The following ABCA13 variants were observed in gnomAD, a reference collection of about 807,000 sequenced individuals.
ABCA13 encodes the protein ATP binding cassette subfamily A member 13.
In ABCA13, 476 loss-of-function variants were observed where a neutral mutation model predicts 478.7. The ratio of observed to expected loss-of-function variants is 0.99; its 90% CI spans 0.92 to 1.07. The LOEUF (loss-of-function observed/expected upper bound fraction) is 1.07, where lower values mean the gene tolerates loss of function less well. Ranked by LOEUF, ABCA13 falls within the 50% of genes least tolerant of loss-of-function variation. The probability of loss-of-function intolerance (pLI) is 0.00; values close to 1 mark genes in which losing one functional copy is unlikely to be tolerated. For missense variants in ABCA13, 6,060 were observed against 5,910.6 expected (o/e 1.03, Z -0.83); for synonymous variants, 2,252 against 2,158.9 (o/e 1.04, Z -1.20).
chr7:48,198,783 T>G (rs1798283012), intron 3 of ABCA13, among the ~76,000 whole-genome samples: 1 of 152,204 alleles, frequency 6.6e-6, no homozygotes. Context: ...TGAGGGAAAA[T>G]AAAACTGGGC....
chr7:48,412,324 G>T (rs752200005), intron 40 of ABCA13, 29 bp from the exon 41 acceptor site: 6 of 1,551,926 alleles, frequency 3.9e-6, no homozygotes, highest in South Asian at 1.2e-5. Flanking sequence ...TTCCTTACTG[G>T]CTTCTTTTTT....
At chr7:48,394,463 C>G (rs866984250) in intron 38 of ABCA13, among the ~76,000 whole-genome samples, 1 of 152,286 alleles carries the variant, frequency 6.6e-6, no homozygotes, top group South Asian at 2.1e-4. Context: ...AGCAGACTTC[C>G]TGAGCATTCT....
chr7:48,555,034 T>TA (rs1785670813), intron 55 of ABCA13, among the ~76,000 whole-genome samples: 1 of 151,752 alleles, frequency 6.6e-6, no homozygotes, highest in South Asian at 2.1e-4. Context: ...TGAGGGTTTT[T>TA]AATCATAAAG....
chr7:48,531,212 G>C (rs1289179713), intron 55 of ABCA13, among the ~76,000 whole-genome samples: 2 of 152,264 alleles, frequency 1.3e-5, no homozygotes, highest in East Asian at 3.9e-4. Flanking sequence ...CATGTGGCTT[G>C]CTAATTATCC....
At chr7:48,645,334 C>G in intron 61 of ABCA13, 83 bp from the exon 62 acceptor site, 1 of 1,118,926 alleles carries the variant, frequency 8.9e-7, no homozygotes, top group Non-Finnish European at 1.3e-6. Context: ...GGCCAGTGTT[C>G]TGAGACAATG....
At chr7:48,573,532 C>T (rs536286267) in intron 55 of ABCA13, among the ~76,000 whole-genome samples, 1 of 151,800 alleles carries the variant, frequency 6.6e-6, no homozygotes, top group African/African-American at 2.4e-5. Context: ...TCCATCTCCA[C>T]AAAACAGAAA....
At chr7:48,617,636 C>A (rs1449844894) in intron 59 of ABCA13, among the ~76,000 whole-genome samples, 1 of 152,152 alleles carries the variant, frequency 6.6e-6, no homozygotes. Context: ...CAACAAGAGC[C>A]TGCAATGAGA....
intron 59 of ABCA13, among the ~76,000 whole-genome samples, chr7:48,638,663 G>T (rs1794877747): frequency 6.6e-6 from 1 of 152,168 alleles, no homozygotes; most frequent in Non-Finnish European, 1.5e-5. Context: ...AAAGGTGCTT[G>T]CAGTGAAGGG....
rs544798464 is a variant in ABCA13, at chr7:48,497,862, C to T, written c.13292-8474C>T. Among the ~76,000 whole-genome samples the T allele has an allele frequency of 4.6e-5, 7 of 152,292 alleles. No homozygotes were observed. In the South Asian group the frequency reaches 1.2e-3, roughly 27 times the overall value. ...AAAGTATTCTTTAGTCTCATCGAAG[C>T]CAGATGGGAATGGATGCTTGGCATC... On this transcript the variant is annotated intron_variant, in intron 48 of 61. Coordinates refer to ENST00000435803, the MANE Select transcript of ABCA13 (RefSeq NM_152701.5).
At position 48,516,733 on chromosome 7, in the gene ABCA13, C is replaced by G. The variant is rs375686104; in HGVS notation, c.13649C>G (p.Thr4550Ser). 7.6e-5 allele frequency: 123 copies of G among 1,613,158 alleles called. No individual in the cohort carries two copies. Among genetic ancestry groups the G allele is most frequent in the Non-Finnish European group, 9.2e-5 (109 of 1,179,538 alleles). ...TTCACTTTACTTTTCAGATATGCAACTCTTCCATGGATGTACCTGATGTCC... is the reference window on the plus strand; with the variant it reads ...TTCACTTTACTTTTCAGATATGCAAGTCTTCCATGGATGTACCTGATGTCC... The part of the protein sequence containing the change: ...ALLLSLFGYA[T>S]LPWMYLMSRI... The change falls in exon 52 of 62, where the codon ACT becomes AGT. Residue 4550 changes from threonine (T) to serine (S), a missense_variant. Around this residue, in one of 3 missense-constraint regions of ABCA13, gnomAD observed 1,627 missense variants for 1,571.0 expected, o/e 1.04. Transcript: ENST00000435803.
In ABCA13 at chr7:48,508,031, A is replaced by C. The variant is rs766540771; in HGVS notation, c.13506A>C (p.Thr4502=). Residue 4502 remains threonine, a synonymous_variant, in exon 50 of 62, where the codon ACA becomes ACC. Coordinates refer to ENST00000435803, the MANE Select transcript of ABCA13 (RefSeq NM_152701.5). ...SGLGYRMYWF[T]NFLYDMLFYL... is the part of the protein sequence containing the mutation. ...TTGGCTACAGGATGTACTGGTTCAC[A>C]AACTTCCTATATGACATGGTAGGAT... 1 of 1,613,832 alleles carries C rather than the reference A, an allele frequency of 6.2e-7. No individual in the cohort carries two copies. Among genetic ancestry groups the C allele is most frequent in the South Asian group, 1.1e-5 (1 of 91,076 alleles).
rs376133030 is a variant in ABCA13 at position 48,571,823 on chromosome 7, G to T, written c.14355-8401G>T. On this transcript the variant is annotated intron_variant, in intron 55 of 61. Coordinates refer to ENST00000435803, the MANE Select transcript of ABCA13 (RefSeq NM_152701.5). ...ACTGGCATTATAATGTTGAATAGAA[G>T]AGGTGGTAATGGGGACCTTACTTTT... 2.0e-5 allele frequency among the ~76,000 whole-genome samples: 3 copies of T among 152,188 alleles called. No individual in the cohort carries two copies. The South Asian group carries it at 6.2e-4, about 31-fold the overall frequency.
At chr7:48,371,445 C>G (rs1812619172) in intron 32 of ABCA13, among the ~76,000 whole-genome samples, 1 of 152,168 alleles carries the variant, frequency 6.6e-6, no homozygotes, top group South Asian at 2.1e-4. Flanking sequence ...TTTGTGTCCT[C>G]TCTTATTTCC....
intron 58 of ABCA13, among the ~76,000 whole-genome samples, chr7:48,601,657 T>A (rs113343942): frequency 0.043 from 6,473 of 152,214 alleles, 442 homozygotes; most frequent in African/African-American, 0.15. Flanking sequence ...AGTCTTTGCT[T>A]TTGTGAACAG....
At chr7:48,505,810 T>A (rs767870455) in intron 48 of ABCA13, among the ~76,000 whole-genome samples, 34 of 152,216 alleles carry the variant, frequency 2.2e-4, no homozygotes, top group Non-Finnish European at 4.1e-4. Context: ...GTTTCTTCAT[T>A]TTGGCCGCTG....
intron 55 of ABCA13, among the ~76,000 whole-genome samples, chr7:48,548,549 T>C (rs569935400): frequency 1.2e-5 from 1 of 82,438 alleles, no homozygotes; most frequent in Non-Finnish European, 2.3e-5. Context: ...ATGTAACACA[T>C]TTTTTTTTTT....
chr7:48,517,718 C>T (rs1832238056), intron 52 of ABCA13, among the ~76,000 whole-genome samples: 1 of 152,216 alleles, frequency 6.6e-6, no homozygotes, highest in Non-Finnish European at 1.5e-5. Flanking sequence ...TTATTGCAAT[C>T]CTTTTCATTC....
At chr7:48,644,834 G>T (rs1056576975) in intron 61 of ABCA13, 80 bp downstream of exon 61, 3 of 1,340,678 alleles carry the variant, frequency 2.2e-6, no homozygotes, top group Non-Finnish European at 3.0e-6. Context: ...AAAATTAATC[G>T]AATTGCTTCA....
intron 28 of ABCA13, among the ~76,000 whole-genome samples, chr7:48,336,237 G>A (rs1029982689): frequency 1.3e-5 from 2 of 152,160 alleles, no homozygotes; most frequent in African/African-American, 2.4e-5. Context: ...AGCGATAGTA[G>A]TTATGAGGTA....
Sources: allele counts gnomAD v4.1 joint callset (sites outside exome capture counted in the v4.1 genomes callset), GRCh38; gene constraint gnomAD v4.1.1; regional missense constraint gnomAD v4.1.1; transcripts MANE v1.5; gene names NCBI Gene and HGNC (gene_info 2026-07-23, HGNC 2026-07-21).